FAM240B: variants seen among roughly 807,000 people sequenced by gnomAD.
The protein encoded by FAM240B is family with sequence similarity 240 member B, also known as protein FAM240B.
At chr9:38,712,335 C>T (rs1468690743) in intron 1 of FAM240B, among the ~76,000 whole-genome samples, 2 of 152,124 alleles carry the variant, frequency 1.3e-5, no homozygotes, top group Non-Finnish European at 2.9e-5. Context: ...TCTTTTATCA[C>T]ATGAAAAATG....
chr9:38,694,615 C>G lies in FAM240B; in HGVS notation c.*161G>C. On this transcript the variant is annotated 3_prime_UTR_variant, in exon 3 of 3. Transcript: ENST00000637493. The stretch of plus-strand genomic sequence containing the variant: ...GAGGGGATTGAGCAGGATAATAACT[C>G]CCATTAGCACTGGGGGAGGTTTCAC... The G allele has an allele frequency of 2.5e-6, 1 of 394,350 alleles. No homozygotes were observed. Among genetic ancestry groups the G allele is most frequent in the Non-Finnish European group, 4.5e-6 (1 of 223,892 alleles). The allele number at this position is 394,350 out of a possible 1,614,324, so 24.4% of individuals were successfully genotyped here.
intron 1 of FAM240B, among the ~76,000 whole-genome samples, chr9:38,706,463 G>A (rs954677157): frequency 6.6e-6 from 1 of 152,166 alleles, no homozygotes; most frequent in Non-Finnish European, 1.5e-5. Context: ...ACTTAGAGCG[G>A]TAGAGCTTCT....
At chr9:38,716,174 T>G (rs1821301061) in intron 1 of FAM240B, among the ~76,000 whole-genome samples, 1 of 152,174 alleles carries the variant, frequency 6.6e-6, no homozygotes, top group Admixed American at 6.6e-5. Flanking sequence ...AGGACCTTAC[T>G]TAATATGGTG....
chr9:38,703,881 C>T lies in FAM240B; in HGVS notation c.119G>A (p.Arg40His), dbSNP rs188304636. ...CTTTTTCAGGGCGCTTCTTTCTTGA[C>T]GATCTTCCTCCAGTTCTCGGTAAAA... ...QTFYRELEED[R>H]QERSALKKLR... Residue 40 changes from arginine to histidine, a missense_variant, in exon 2 of 3, where the codon CGT becomes CAT. Arg to His is a conservative substitution (Grantham distance 29). Coordinates refer to ENST00000637493, the MANE Select transcript of FAM240B (RefSeq NM_001394922.1). 4.5e-5 allele frequency: 18 copies of T among 400,482 alleles called. No homozygotes were observed. Among genetic ancestry groups the T allele is most frequent in the Admixed American group, 1.8e-4 (4 of 22,724 alleles). 24.8% of individuals were successfully genotyped at this position (400,482 alleles called of 1,614,324 possible).
chr9:38,701,694 T>C (rs1344702426), intron 2 of FAM240B, among the ~76,000 whole-genome samples: 2 of 152,164 alleles, frequency 1.3e-5, no homozygotes, highest in African/African-American at 4.8e-5. Context: ...AAATGTTTCA[T>C]GATGAGCACA....
chr9:38,706,283 G>C (rs948012338), intron 1 of FAM240B, among the ~76,000 whole-genome samples: 16 of 152,252 alleles, frequency 1.1e-4, no homozygotes, highest in African/African-American at 3.4e-4. Context: ...ACAGTGTTGA[G>C]GTTCCACAGC....
Position 38,694,471 on chromosome 9 carries a change from T to A in FAM240B, c.*305A>T. 4.0e-6 allele frequency: 1 copy of A among 252,928 alleles called. No individual in the cohort carries two copies. Among genetic ancestry groups the A allele is most frequent in the Non-Finnish European group, 7.5e-6 (1 of 134,216 alleles). The allele number at this position is 252,928 out of a possible 1,614,324, so 15.7% of individuals were successfully genotyped here. On this transcript the variant is annotated 3_prime_UTR_variant, in exon 3 of 3. Transcript: ENST00000637493. ...GAAACATTTCAAAATGACAAGGAAATGTGGAAATATACTAGGCTACATGGG... is the reference window on the plus strand; with the variant it reads ...GAAACATTTCAAAATGACAAGGAAAAGTGGAAATATACTAGGCTACATGGG...
At chr9:38,707,035 C>T (rs973169446) in intron 1 of FAM240B, among the ~76,000 whole-genome samples, 9 of 152,086 alleles carry the variant, frequency 5.9e-5, no homozygotes, top group African/African-American at 1.7e-4. Flanking sequence ...CTTTTAACTG[C>T]GAGGAAGGTG....
intron 1 of FAM240B, among the ~76,000 whole-genome samples, chr9:38,719,617 C>T (rs1366304682): frequency 5.3e-5 from 8 of 152,138 alleles, no homozygotes; most frequent in African/African-American, 1.9e-4. Context: ...ATCACCCCAC[C>T]ATCAGCTTCC....
chr9:38,715,770 A>G (rs780956748), intron 1 of FAM240B, among the ~76,000 whole-genome samples: 4 of 152,248 alleles, frequency 2.6e-5, no homozygotes, highest in Non-Finnish European at 4.4e-5. Flanking sequence ...TTTGAGGTCC[A>G]TATGGATTAA....
intron 1 of FAM240B, among the ~76,000 whole-genome samples, chr9:38,713,201 G>A (rs552162573): frequency 2.6e-5 from 4 of 152,204 alleles, no homozygotes; most frequent in South Asian, 2.1e-4. Context: ...GATTTCGGCC[G>A]GGCGCAGTGG....
At chr9:38,711,262 C>T (rs1401847795) in intron 1 of FAM240B, among the ~76,000 whole-genome samples, 1 of 152,224 alleles carries the variant, frequency 6.6e-6, no homozygotes, top group East Asian at 1.9e-4. Flanking sequence ...GACACCAGCA[C>T]CAAACGTGTT....
At chr9:38,710,558 A>G (rs993874394) in intron 1 of FAM240B, among the ~76,000 whole-genome samples, 1 of 152,152 alleles carries the variant, frequency 6.6e-6, no homozygotes, top group Admixed American at 6.5e-5. Flanking sequence ...TCATGGGTAG[A>G]GGGCAATAGT....
intron 1 of FAM240B, 116 bp from the exon 2 acceptor site, chr9:38,704,118 T>C: frequency 2.5e-6 from 1 of 396,320 alleles, no homozygotes; most frequent in Non-Finnish European, 4.4e-6. Flanking sequence ...TTTTTTTTTT[T>C]TTTTTTGGTG....
At chr9:38,696,094 G>C (rs755095812) in intron 2 of FAM240B, among the ~76,000 whole-genome samples, 5 of 152,120 alleles carry the variant, frequency 3.3e-5, no homozygotes, top group Non-Finnish European at 5.9e-5. Context: ...AACTCTGCTC[G>C]ATTATGGGCC....
intron 2 of FAM240B, among the ~76,000 whole-genome samples, chr9:38,697,632 ATTAAG>A (rs1276071113): frequency 1.3e-5 from 2 of 152,268 alleles, no homozygotes; most frequent in African/African-American, 2.4e-5. Flanking sequence ...TAAACTTATA[ATTAAG>A]TTATTTTAAA....
At chr9:38,710,243 C>T (rs961407759) in intron 1 of FAM240B, among the ~76,000 whole-genome samples, 1 of 152,178 alleles carries the variant, frequency 6.6e-6, no homozygotes, top group Non-Finnish European at 1.5e-5. Context: ...GCTGGGATTA[C>T]AGGTGTGAGC....
Position 38,694,886 on chromosome 9 carries a change from G to A in FAM240B, c.144-17C>T. ...TCTCTGAGTCTGCGGAGGGGAAACC[G>A]TGCACATGCTCAGTGCATTTGTCTC... On this transcript the variant is annotated splice_polypyrimidine_tract_variant and intron_variant, in intron 2 of 2. Transcript: ENST00000637493. The A allele has an allele frequency of 5.0e-6, 2 of 398,650 alleles. No individual in the cohort carries two copies. Among genetic ancestry groups the A allele is most frequent in the Non-Finnish European group, 8.8e-6 (2 of 226,108 alleles). The allele number at this position is 398,650 out of a possible 1,614,324, so 24.7% of individuals were successfully genotyped here. A position where few individuals can be genotyped will look rare whatever the true frequency, so the allele number is the denominator to read the frequency against.
chr9:38,699,760 G>C (rs997683093), intron 2 of FAM240B, among the ~76,000 whole-genome samples: 2 of 152,194 alleles, frequency 1.3e-5, no homozygotes, highest in Non-Finnish European at 2.9e-5. Context: ...GGTCCTCTGA[G>C]TGGGGCACTT....
Sources: allele counts gnomAD v4.1 joint callset (sites outside exome capture counted in the v4.1 genomes callset), GRCh38; gene constraint gnomAD v4.1.1; transcripts MANE v1.5; gene names NCBI Gene and HGNC (gene_info 2026-07-23, HGNC 2026-07-21).